The following ADGRB3 variants were observed in gnomAD, a reference collection of about 807,000 sequenced individuals.
The protein encoded by ADGRB3 is brain-specific angiogenesis inhibitor 3.
In ADGRB3, 37 loss-of-function variants were observed where a neutral mutation model predicts 193.4. The observed-to-expected ratio is 0.19, with a 90% CI of 0.15 to 0.25. The LOEUF (loss-of-function observed/expected upper bound fraction) is 0.25, where lower values mean the gene tolerates loss of function less well. Among genes scored for constraint, ADGRB3 ranks in the 10% least tolerant of loss-of-function variants. ADGRB3 has a pLI of 1.00. For missense variants in ADGRB3, 1,637 were observed against 1,852.9 expected (o/e 0.88, Z 2.14); for synonymous variants, 690 against 644.2 (o/e 1.07, Z -1.08).
chr6:68,780,966 TA>T (rs1766841312), intron 3 of ADGRB3, among the ~76,000 whole-genome samples: 1 of 152,180 alleles, frequency 6.6e-6, no homozygotes, highest in South Asian at 2.1e-4. Flanking sequence ...ATAGCTGCTT[TA>T]TATCTCAAGT....
At chr6:69,288,735 G>A (rs1290736457) in intron 20 of ADGRB3, among the ~76,000 whole-genome samples, 1 of 152,124 alleles carries the variant, frequency 6.6e-6, no homozygotes, top group Admixed American at 6.6e-5. Context: ...CACAGTGTAG[G>A]TGTTTATTTT....
chr6:68,935,096 G>A (rs1046667145), intron 4 of ADGRB3, among the ~76,000 whole-genome samples: 7 of 152,084 alleles, frequency 4.6e-5, no homozygotes, highest in East Asian at 3.9e-4. Flanking sequence ...GAGCAAATGC[G>A]TCATAATGGT....
At position 69,286,326 on chromosome 6, in the gene ADGRB3, T is replaced by A. The variant is rs143334923; in HGVS notation, c.2815-38546T>A. On this transcript the variant is annotated intron_variant, in intron 20 of 31. Coordinates refer to ENST00000370598, the MANE Select transcript of ADGRB3 (RefSeq NM_001704.3). Reference sequence around the variant, plus strand: ...CCCTTCCCTTCTCTTTTCCTTTGCTTTAATATTCTCCTTTCCAACTTTTCC... The same window carrying A: ...CCCTTCCCTTCTCTTTTCCTTTGCTATAATATTCTCCTTTCCAACTTTTCC... Among the ~76,000 whole-genome samples, 4 of 152,238 alleles carry A rather than the reference T, an allele frequency of 2.6e-5. No individual in the cohort carries two copies. The East Asian group carries it at 7.7e-4, about 29-fold the overall frequency.
intron 13 of ADGRB3, among the ~76,000 whole-genome samples, chr6:69,039,769 T>C (rs1582413766): frequency 7.6e-6 from 1 of 131,462 alleles, no homozygotes; most frequent in Admixed American, 8.4e-5. Context: ...TGAGACGGAG[T>C]CTTGCTCTGT....
At chr6:69,033,076 A>C (rs909933159) in intron 13 of ADGRB3, among the ~76,000 whole-genome samples, 1 of 152,110 alleles carries the variant, frequency 6.6e-6, no homozygotes, top group Non-Finnish European at 1.5e-5. Context: ...AAAAATATAT[A>C]AATATTATAC....
chr6:68,865,078 GT>G (rs1167755463), intron 3 of ADGRB3, among the ~76,000 whole-genome samples: 2 of 151,964 alleles, frequency 1.3e-5, no homozygotes, highest in African/African-American at 4.8e-5. Flanking sequence ...TGTATCTCTG[GT>G]TCTAGCTTCC....
At chr6:68,715,222 G>A (rs1369263655) in intron 3 of ADGRB3, among the ~76,000 whole-genome samples, 1 of 151,222 alleles carries the variant, frequency 6.6e-6, no homozygotes, top group South Asian at 2.1e-4. Context: ...TGACTGGATC[G>A]CTGAGGAGTA....
intron 26 of ADGRB3, among the ~76,000 whole-genome samples, chr6:69,346,331 C>G (rs1025447503): frequency 5.9e-5 from 9 of 152,298 alleles, no homozygotes; most frequent in Admixed American, 2.6e-4. Flanking sequence ...TACCTGACTT[C>G]AAACTATACT....
At chr6:69,040,341 CT>C (rs1385794554) in intron 13 of ADGRB3, among the ~76,000 whole-genome samples, 1 of 50,752 alleles carries the variant, frequency 2.0e-5, no homozygotes, top group Non-Finnish European at 4.1e-5. Flanking sequence ...TTCTTTCTTT[CT>C]TTCTTTCTTT....
At position 69,072,563 on chromosome 6, in the gene ADGRB3, A is replaced by G. The variant is rs188100015; in HGVS notation, c.2437-3432A>G. Among the ~76,000 whole-genome samples, 283 of 152,280 alleles carry G rather than the reference A, an allele frequency of 1.9e-3. 2 individuals carry two copies. The highest frequency in any genetic ancestry group is 6.8e-3 in the Middle Eastern group (2 of 294). On this transcript the variant is annotated intron_variant, in intron 16 of 31. Coordinates refer to ENST00000370598, the MANE Select transcript of ADGRB3 (RefSeq NM_001704.3). ...TTTTTGTTGTGGCTTACTGTGAACA[A>G]TCATTGTGAAATATTAAGCCTATAG...
At chr6:68,766,246 A>T (rs889417800) in intron 3 of ADGRB3, among the ~76,000 whole-genome samples, 1 of 151,708 alleles carries the variant, frequency 6.6e-6, no homozygotes, top group Non-Finnish European at 1.5e-5. Flanking sequence ...AGCTTATTTC[A>T]TTGAATGCTC....
intron 3 of ADGRB3, among the ~76,000 whole-genome samples, chr6:68,847,129 T>A (rs993085985): frequency 6.6e-6 from 1 of 152,154 alleles, no homozygotes; most frequent in African/African-American, 2.4e-5. Flanking sequence ...AACCCCTTTA[T>A]TTTGGCCAAT....
At chr6:69,050,703 G>A (rs1262609756) in intron 15 of ADGRB3, among the ~76,000 whole-genome samples, 1 of 152,128 alleles carries the variant, frequency 6.6e-6, no homozygotes, top group Non-Finnish European at 1.5e-5. Context: ...AAGAACTCTA[G>A]ACACTAACTT....
chr6:69,074,103 A>C (rs560599343), intron 16 of ADGRB3, among the ~76,000 whole-genome samples: 9 of 152,106 alleles, frequency 5.9e-5, no homozygotes, highest in Non-Finnish European at 1.2e-4. Flanking sequence ...TTACTAAATA[A>C]ATTTTAAAGG....
intron 17 of ADGRB3, among the ~76,000 whole-genome samples, chr6:69,122,467 AGAGGGGGAGGGGGAGGGGG>A (rs1561925937): frequency 2.2e-4 from 8 of 36,564 alleles, no homozygotes; most frequent in Admixed American, 5.2e-4. Flanking sequence ...AGGGAGAGGG[AGAGGGGGAGGGGGAGGGGG>A]GAGGGGGAGG....
intron 13 of ADGRB3, among the ~76,000 whole-genome samples, chr6:69,031,659 G>C (rs1265805671): frequency 6.9e-6 from 1 of 145,786 alleles, no homozygotes; most frequent in East Asian, 2.0e-4. Context: ...TTTTGAGACA[G>C]GTTCTTAATT....
chr6:69,358,621 T>C (rs959401854), intron 28 of ADGRB3, among the ~76,000 whole-genome samples: 1 of 151,972 alleles, frequency 6.6e-6, no homozygotes, highest in African/African-American at 2.4e-5. Flanking sequence ...GAACTCTGAA[T>C]AATCTTTCTT....
intron 20 of ADGRB3, among the ~76,000 whole-genome samples, chr6:69,279,085 A>G (rs1026669133): frequency 0.051 from 5,815 of 114,660 alleles, 449 homozygotes; most frequent in African/African-American, 0.08. Flanking sequence ...ATATATATAT[A>G]TATATATATA....
intron 17 of ADGRB3, among the ~76,000 whole-genome samples, chr6:69,135,861 G>C (rs1023829725): frequency 2.6e-5 from 4 of 152,052 alleles, no homozygotes; most frequent in African/African-American, 9.7e-5. Flanking sequence ...TTAGTCTGTA[G>C]CCATAAACAG....
Sources: gnomAD v4.1 joint callset for allele counts (sites outside exome capture counted in the v4.1 genomes callset) on GRCh38, gnomAD v4.1.1 for gene constraint, MANE v1.5 for transcripts, NCBI Gene and HGNC (gene_info 2026-07-23, HGNC 2026-07-21) for gene names.